FYTTD1: variants seen among roughly 807,000 people sequenced by gnomAD.
FYTTD1 encodes forty-two-three domain containing 1.
A neutral mutation model predicts 40.9 loss-of-function variants in FYTTD1; 22 were observed. The ratio of observed to expected loss-of-function variants is 0.54; its 90% CI spans 0.38 to 0.77. The LOEUF is 0.77. Among genes scored for constraint, FYTTD1 ranks in the 30% least tolerant of loss-of-function variants. The pLI is 0.00. For synonymous variants in FYTTD1, 140 were observed against 137.9 expected (o/e 1.01, Z -0.10); for missense variants, 351 against 392.2 (o/e 0.90, Z 0.89).
chr3:197,763,799 G>A (rs1052036191), intron 2 of FYTTD1, among the ~76,000 whole-genome samples: 1 of 152,126 alleles, frequency 6.6e-6, no homozygotes, highest in Non-Finnish European at 1.5e-5. Context: ...AGATGATAAG[G>A]CTCCTGAAAT....
At chr3:197,753,818 C>T (rs1273349955) in intron 1 of FYTTD1, among the ~76,000 whole-genome samples, 2 of 151,976 alleles carry the variant, frequency 1.3e-5, no homozygotes, top group South Asian at 2.1e-4. Context: ...TGCAGTGGCA[C>T]GATCTCGGCT....
At chr3:197,753,584 G>A (rs896794926) in intron 1 of FYTTD1, among the ~76,000 whole-genome samples, 1 of 151,454 alleles carries the variant, frequency 6.6e-6, no homozygotes, top group Non-Finnish European at 1.5e-5. Flanking sequence ...GCAGGAGAAA[G>A]CCGTTTTCTT....
In FYTTD1 at chr3:197,787,329, C is replaced by T. The variant is rs987299726; in HGVS notation, c.*5420C>T. 1.8e-4 allele frequency: 27 copies of T among 152,146 alleles called. No individual in the cohort carries two copies. The highest frequency in any genetic ancestry group is 5.3e-4 in the African/African-American group (22 of 41,386). 9.4% of individuals were successfully genotyped at this position (152,146 alleles called of 1,614,324 possible). A position where few individuals can be genotyped will look rare whatever the true frequency, so the allele number is the denominator to read the frequency against. The stretch of plus-strand genomic sequence containing the variant: ...ATATTGGCCAGTCTAGTCTCAAACT[C>T]CTGACCTCAGGTGATATGCCCGCCT... On this transcript the variant is annotated 3_prime_UTR_variant, in exon 9 of 9. Coordinates refer to ENST00000241502, the MANE Select transcript of FYTTD1 (RefSeq NM_032288.7).
In FYTTD1 at chr3:197,783,662, C is replaced by G. The variant is rs1343711414; in HGVS notation, c.*1753C>G. The G allele has an allele frequency of 3.9e-5, 6 of 152,374 alleles. No homozygotes were observed. Among genetic ancestry groups the G allele is most frequent in the African/African-American group, 1.4e-4 (6 of 41,416 alleles). 9.4% of individuals were successfully genotyped at this position (152,374 alleles called of 1,614,324 possible). A position where few individuals can be genotyped will look rare whatever the true frequency, so the allele number is the denominator to read the frequency against. On this transcript the variant is annotated 3_prime_UTR_variant, in exon 9 of 9. Transcript: ENST00000241502. Reference sequence around the variant, plus strand: ...GCAAGGATGAATGCCTGTATTTGGTCTAGGAACAGTACATTTTAGTCTGAT... The same window carrying G: ...GCAAGGATGAATGCCTGTATTTGGTGTAGGAACAGTACATTTTAGTCTGAT...
chr3:197,773,328 AT>A (rs1729773089), intron 4 of FYTTD1, 74 bp from the exon 5 acceptor site: 1 of 826,650 alleles, frequency 1.2e-6, no homozygotes, highest in Non-Finnish European at 2.0e-6. Context: ...GAATTTAACT[AT>A]TTTTGCTTAT....
chr3:197,755,732 C>T (rs1179897751), intron 1 of FYTTD1: 21 of 1,420,650 alleles, frequency 1.5e-5, no homozygotes, highest in Non-Finnish European at 1.9e-5. Context: ...AAATGATCCG[C>T]CCACCTCAGC....
At chr3:197,776,877 G>C in intron 6 of FYTTD1, 50 bp from the exon 7 acceptor site, 1 of 1,199,058 alleles carries the variant, frequency 8.3e-7, no homozygotes, top group Non-Finnish European at 1.2e-6. Context: ...ATATACATAG[G>C]GTTTATCAAC....
In FYTTD1 at chr3:197,768,434, T is replaced by C. The variant is rs751287818; in HGVS notation, c.236-5T>C. ...ACATTTTCTTCTGTTTTTGCCCTCC[T>C]ATAGGTTTTGGTAAGACTAGTCTGA... On this transcript the variant is annotated splice_region_variant and splice_polypyrimidine_tract_variant and intron_variant, in intron 2 of 8. Coordinates refer to ENST00000241502, the MANE Select transcript of FYTTD1 (RefSeq NM_032288.7). 1.6e-5 allele frequency: 26 copies of C among 1,597,912 alleles called. No individual in the cohort carries two copies. The highest frequency in any genetic ancestry group is 2.1e-5 in the Non-Finnish European group (25 of 1,170,130).
intron 3 of FYTTD1, among the ~76,000 whole-genome samples, chr3:197,769,705 A>G (rs760756379): frequency 3.3e-5 from 5 of 151,966 alleles, no homozygotes; most frequent in Non-Finnish European, 7.4e-5. Flanking sequence ...TTGTTTTGGA[A>G]CTTGGCTTTT....
chr3:197,760,467 G>A, intron 2 of FYTTD1, among the ~76,000 whole-genome samples: 1 of 150,626 alleles, frequency 6.6e-6, no homozygotes, highest in South Asian at 2.1e-4. Flanking sequence ...GTCTTCACGG[G>A]TAGAATGTAT....
chr3:197,786,722 A>G lies in FYTTD1; in HGVS notation c.*4813A>G, dbSNP rs1350924214. On this transcript the variant is annotated 3_prime_UTR_variant, in exon 9 of 9. Coordinates refer to ENST00000241502, the MANE Select transcript of FYTTD1 (RefSeq NM_032288.7). ...AACATTTATTAAATATATTCAGCAA[A>G]TATTTAGAATTAAATGTATTCAGCA... The G allele has an allele frequency of 6.6e-6, 1 of 152,224 alleles. No individual in the cohort carries two copies. The highest frequency in any genetic ancestry group is 1.5e-5 in the Non-Finnish European group (1 of 68,042). 9.4% of individuals were successfully genotyped at this position (152,224 alleles called of 1,614,324 possible). A position where few individuals can be genotyped will look rare whatever the true frequency, so the allele number is the denominator to read the frequency against.
chr3:197,756,658 T>C, intron 2 of FYTTD1, 101 bp downstream of exon 2: 2 of 1,052,558 alleles, frequency 1.9e-6, no homozygotes, highest in South Asian at 3.0e-5. Flanking sequence ...GTCAGTACTC[T>C]TTGTGTTTTG....
At chr3:197,777,271 T>G (rs758673077) in intron 7 of FYTTD1, among the ~76,000 whole-genome samples, 1 of 152,220 alleles carries the variant, frequency 6.6e-6, no homozygotes, top group Non-Finnish European at 1.5e-5. Flanking sequence ...GTACCCTTTT[T>G]TTGGAGGCAA....
At chr3:197,757,642 G>A (rs1034791111) in intron 2 of FYTTD1, among the ~76,000 whole-genome samples, 2 of 152,148 alleles carry the variant, frequency 1.3e-5, no homozygotes, top group Admixed American at 1.3e-4. Context: ...AGGCGTGGTG[G>A]TACCTCTTTC....
intron 2 of FYTTD1, 79 bp downstream of exon 2, chr3:197,756,636 G>T: frequency 8.0e-7 from 1 of 1,249,126 alleles, no homozygotes; most frequent in Middle Eastern, 1.9e-4. Flanking sequence ...TATGCTTAAC[G>T]TGGAGGAATG....
At chr3:197,750,426 T>C in intron 1 of FYTTD1, 3 of 1,025,608 alleles carry the variant, frequency 2.9e-6, no homozygotes, top group Non-Finnish European at 3.5e-6. Flanking sequence ...TGAGGAAAGA[T>C]CTGCCGGTTT....
intron 1 of FYTTD1, chr3:197,750,754 C>G (rs1299724174): frequency 1.0e-6 from 1 of 985,422 alleles, no homozygotes; most frequent in Admixed American, 6.2e-5. Context: ...GGCCTCAGAG[C>G]TAGCTAATGG....
At chr3:197,779,231 G>A (rs1380795276) in intron 8 of FYTTD1, among the ~76,000 whole-genome samples, 34 of 152,012 alleles carry the variant, frequency 2.2e-4, no homozygotes, top group South Asian at 2.1e-4. Context: ...CCTGGCCAAC[G>A]TGGTGAAATC....
Position 197,770,246 on chromosome 3 carries a change from T to A in FYTTD1, c.497+2T>A. The A allele has an allele frequency of 6.4e-7, 1 of 1,552,906 alleles. No individual in the cohort carries two copies. Among genetic ancestry groups the A allele is most frequent in the Non-Finnish European group, 8.9e-7 (1 of 1,128,416 alleles). On this transcript the variant is annotated splice_donor_variant, in intron 4 of 8. Transcript: ENST00000241502. LOFTEE classifies it high-confidence loss of function. ...GAGACCTAGCCAGCTAAGCAGAAAG[T>A]AAGTGCTCAAAAATAATAATGTGTT...
Sources: gnomAD v4.1 joint callset for allele counts (sites outside exome capture counted in the v4.1 genomes callset) on GRCh38, gnomAD v4.1.1 for gene constraint, MANE v1.5 for transcripts, NCBI Gene and HGNC (gene_info 2026-07-23, HGNC 2026-07-21) for gene names.